The following EPHA6 variants were observed in gnomAD, a reference collection of about 807,000 sequenced individuals.
EPHA6 encodes ephrin type-A receptor 6.
Under a neutral mutation model 112.0 loss-of-function variants are expected in EPHA6, and 50 were observed. That is an observed-to-expected ratio of 0.45 (90% CI 0.36 to 0.56). The LOEUF (loss-of-function observed/expected upper bound fraction) is 0.56. Among genes scored for constraint, EPHA6 ranks in the 20% least tolerant of loss-of-function variants. EPHA6 has a pLI of 0.00. For missense variants in EPHA6, 1,280 were observed against 1,417.4 expected, an observed-to-expected ratio of 0.90 and a Z score of 1.56; for synonymous variants, 529 against 490.7, an observed-to-expected ratio of 1.08 and a Z score of -1.03.
rs1307971153 is a variant in EPHA6 at position 97,244,216 on chromosome 3, T to G, written c.1535T>G (p.Met512Arg). The part of the protein sequence containing the change: ...HVNYTFEIEA[M>R]NGVSELSFSP... ...AATTACACCTTTGAAATAGAAGCAATGAATGGAGTTTCTGAGTTGAGTTTT... is the reference window on the plus strand; with the variant it reads ...AATTACACCTTTGAAATAGAAGCAAGGAATGGAGTTTCTGAGTTGAGTTTT... The change falls in exon 5 of 18, where the codon ATG becomes AGG. Residue 512 changes from methionine (M) to arginine (R), a missense_variant. Met to Arg is a moderately conservative substitution (Grantham distance 91). Around this residue, in one of 4 missense-constraint regions of EPHA6, gnomAD observed 878 missense variants for 999.7 expected, o/e 0.88. Coordinates refer to ENST00000389672, the MANE Select transcript of EPHA6 (RefSeq NM_001080448.3). The G allele has an allele frequency of 6.2e-7, 1 of 1,613,046 alleles. No individual in the cohort carries two copies. The highest frequency in any genetic ancestry group is 8.5e-7 in the Non-Finnish European group (1 of 1,179,374).
intron 5 of EPHA6, among the ~76,000 whole-genome samples, chr3:97,257,084 T>G (rs1049175587): frequency 2.6e-5 from 4 of 151,946 alleles, no homozygotes; most frequent in Non-Finnish European, 4.4e-5. Flanking sequence ...AGTTCATCAT[T>G]GAATAAAATT....
intron 5 of EPHA6, among the ~76,000 whole-genome samples, chr3:97,293,048 A>G (rs1459324391): frequency 2.6e-5 from 4 of 151,962 alleles, no homozygotes. Context: ...CTCAGTGGAG[A>G]GGAGACCTGT....
chr3:97,223,991 G>A (rs528766529), intron 3 of EPHA6, among the ~76,000 whole-genome samples: 9 of 151,906 alleles, frequency 5.9e-5, no homozygotes, highest in African/African-American at 2.2e-4. Context: ...AGTTTAAATT[G>A]AGATCTGCTA....
chr3:97,048,243 G>T (rs2045575846), intron 3 of EPHA6, among the ~76,000 whole-genome samples: 1 of 152,152 alleles, frequency 6.6e-6, no homozygotes, highest in Admixed American at 6.6e-5. Context: ...TTTTGACTGG[G>T]AGAATAATTC....
chr3:97,175,138 C>T (rs1019898463), intron 3 of EPHA6, among the ~76,000 whole-genome samples: 1 of 151,904 alleles, frequency 6.6e-6, no homozygotes, highest in Non-Finnish European at 1.5e-5. Flanking sequence ...TTCCCAGCAC[C>T]ATTTGTTGAA....
At chr3:97,490,416 T>A (rs2091810710) in intron 10 of EPHA6, among the ~76,000 whole-genome samples, 1 of 152,214 alleles carries the variant, frequency 6.6e-6, no homozygotes, top group Non-Finnish European at 1.5e-5. Context: ...ATTGATATTT[T>A]ATTTTGAATT....
intron 16 of EPHA6, among the ~76,000 whole-genome samples, chr3:97,744,158 A>T (rs2035619883): frequency 6.6e-6 from 1 of 152,016 alleles, no homozygotes; most frequent in Non-Finnish European, 1.5e-5. Flanking sequence ...TTCTAGCCCC[A>T]TTCTCATTTT....
intron 15 of EPHA6, among the ~76,000 whole-genome samples, chr3:97,722,375 T>C (rs1332358351): frequency 6.6e-6 from 1 of 152,222 alleles, no homozygotes. Flanking sequence ...GTAAAGATTA[T>C]CTAGGCCAAT....
At chr3:96,856,537 C>G (rs1238108886) in intron 1 of EPHA6, among the ~76,000 whole-genome samples, 1 of 152,102 alleles carries the variant, frequency 6.6e-6, no homozygotes, top group Non-Finnish European at 1.5e-5. Context: ...TAGGCAATAA[C>G]TATGGGAACT....
At chr3:96,957,945 G>A (rs964766143) in intron 2 of EPHA6, among the ~76,000 whole-genome samples, 2 of 152,168 alleles carry the variant, frequency 1.3e-5, no homozygotes, top group Non-Finnish European at 2.9e-5. Context: ...ATGTGGTAAA[G>A]TTGCACCTCA....
At chr3:97,454,318 G>C (rs570254845) in intron 7 of EPHA6, among the ~76,000 whole-genome samples, 1 of 151,828 alleles carries the variant, frequency 6.6e-6, no homozygotes, top group South Asian at 2.1e-4. Flanking sequence ...GTCTCAGAAA[G>C]TGTTTTACAC....
chr3:97,134,507 C>T (rs556654797), intron 3 of EPHA6, among the ~76,000 whole-genome samples: 17 of 151,994 alleles, frequency 1.1e-4, no homozygotes, highest in Non-Finnish European at 2.2e-4. Context: ...CAAGAGTCAT[C>T]GATTCTGAAA....
At chr3:97,640,279 A>T (rs529518341) in intron 14 of EPHA6, among the ~76,000 whole-genome samples, 1 of 152,284 alleles carries the variant, frequency 6.6e-6, no homozygotes, top group East Asian at 1.9e-4. Flanking sequence ...AAAGACATGG[A>T]AATGCAAAAA....
chr3:97,400,509 T>C (rs2086932649), intron 5 of EPHA6, among the ~76,000 whole-genome samples: 1 of 151,716 alleles, frequency 6.6e-6, no homozygotes, highest in Non-Finnish European at 1.5e-5. Flanking sequence ...TCTAGATTGC[T>C]TTGGGTGGTA....
chr3:96,973,277 G>A (rs978324551), intron 2 of EPHA6, among the ~76,000 whole-genome samples: 5 of 152,008 alleles, frequency 3.3e-5, no homozygotes, highest in Admixed American at 2.0e-4. Context: ...AGATGATACA[G>A]CCCCCAAACC....
intron 12 of EPHA6, among the ~76,000 whole-genome samples, chr3:97,606,923 A>G (rs1473161229): frequency 6.6e-6 from 1 of 151,166 alleles, no homozygotes; most frequent in Middle Eastern, 3.2e-3. Flanking sequence ...TATTTTTTAC[A>G]GTGATAATCT....
intron 1 of EPHA6, among the ~76,000 whole-genome samples, chr3:96,832,500 C>G (rs2034148832): frequency 6.6e-6 from 1 of 151,960 alleles, no homozygotes; most frequent in African/African-American, 2.4e-5. Context: ...TCTAACCTTT[C>G]TTGTAAAAGA....
At chr3:97,569,248 A>G (rs2093305980) in intron 11 of EPHA6, among the ~76,000 whole-genome samples, 1 of 152,204 alleles carries the variant, frequency 6.6e-6, no homozygotes, top group African/African-American at 2.4e-5. Flanking sequence ...GAGATTCTCC[A>G]TGATGTATCT....
At chr3:97,612,745 C>T (rs971785971) in intron 13 of EPHA6, among the ~76,000 whole-genome samples, 23 of 151,992 alleles carry the variant, frequency 1.5e-4, no homozygotes, top group Admixed American at 3.9e-4. Flanking sequence ...GACTATGTGA[C>T]CTTGGGCATG....
Sources: allele counts gnomAD v4.1 joint callset (sites outside exome capture counted in the v4.1 genomes callset), GRCh38; gene constraint gnomAD v4.1.1; regional missense constraint gnomAD v4.1.1; transcripts MANE v1.5; gene names NCBI Gene and HGNC (gene_info 2026-07-23, HGNC 2026-07-21).